Variants in ZBTB4 observed in about 807,000 individuals in gnomAD.
The protein encoded by ZBTB4 is zinc finger and BTB domain-containing protein 4.
Under a neutral mutation model 59.8 loss-of-function variants are expected in ZBTB4, and 14 were observed. The ratio of observed to expected loss-of-function variants is 0.23; its 90% CI spans 0.15 to 0.37. The LOEUF is 0.37. ZBTB4 is among the 10% of genes least tolerant of loss of function. ZBTB4 has a pLI of 1.00. For missense variants in ZBTB4, 1,198 were observed against 1,380.8 expected, an observed-to-expected ratio of 0.87 and a Z score of 2.10; for synonymous variants, 587 against 575.2, an observed-to-expected ratio of 1.02 and a Z score of -0.29.
In ZBTB4 at chr17:7,463,661, G is replaced by C; in HGVS notation, c.1321C>G (p.Pro441Ala). ...ACAGGGGCCGGTGTGTTGAGGGTTG[G>C]AGAAAGGGGAGCCTCCGGGGCTCCC... ...SQGAPEAPLSPTLNTPAPVAM... is the reference protein window; with the variant it reads ...SQGAPEAPLSATLNTPAPVAM... The change falls in exon 4 of 4, where the codon CCA (proline) becomes GCA (alanine). Residue 441 changes from proline to alanine, a missense_variant. Physicochemically the swap from Pro to Ala is conservative, Grantham distance 27. Around this residue, in one of 9 missense-constraint regions of ZBTB4, gnomAD observed 550 missense variants for 541.8 expected, o/e 1.02. Coordinates refer to ENST00000380599, the MANE Select transcript of ZBTB4 (RefSeq NM_001128833.2). 1 of 1,613,460 alleles carries C rather than the reference G, an allele frequency of 6.2e-7. No individual in the cohort carries two copies. Among genetic ancestry groups the C allele is most frequent in the South Asian group, 1.1e-5 (1 of 91,086 alleles).
At chr17:7,465,257 G>T (rs1026900992) in intron 3 of ZBTB4, among the ~76,000 whole-genome samples, 2 of 151,252 alleles carry the variant, frequency 1.3e-5, no homozygotes, top group African/African-American at 4.9e-5. Context: ...AGGAGTTCAA[G>T]ACCATCCTGA....
chr17:7,464,627 C>T (rs1007425382), intron 3 of ZBTB4, among the ~76,000 whole-genome samples: 1 of 151,374 alleles, frequency 6.6e-6, no homozygotes, highest in Non-Finnish European at 1.5e-5. Flanking sequence ...CACCTGAGGT[C>T]AGGAGTTCAA....
rs1244764521 is a variant in ZBTB4, at chr17:7,466,664, G to A, written c.138C>T (p.Ser46=). Residue 46 remains serine (S), a synonymous_variant, in exon 3 of 4, where the codon AGC becomes AGT. Transcript: ENST00000380599. The surrounding 1 kb of genome is among the most constrained non-coding windows in gnomAD (Gnocchi z 9.1). ...AGDTKFPAHR[S]VLAASSPFFR... ...AGAAGGGACTTGAAGCAGCCAGGAC[G>A]CTGCGGTGAGCAGGGAACTTGGTGT... 3.7e-6 allele frequency: 6 copies of A among 1,613,040 alleles called. No homozygotes were observed. The highest frequency in any genetic ancestry group is 1.7e-5 in the Admixed American group (1 of 59,810).
chr17:7,479,574 C>CA lies in ZBTB4; in HGVS notation c.-200dup, dbSNP rs2070316854. The CA allele has an allele frequency of 5.9e-6, 1 of 169,522 alleles. No individual in the cohort carries two copies. The highest frequency in any genetic ancestry group is 6.5e-5 in the Admixed American group (1 of 15,368). 10.5% of individuals were successfully genotyped at this position (169,522 alleles called of 1,614,324 possible). A position where few individuals can be genotyped will look rare whatever the true frequency, so the allele number is the denominator to read the frequency against. ...GCTCCAGCTCCGGCCCTGGCCCCCCCAGCGCCTGGCCCCGGCCCGGCCCCG... is the reference window on the plus strand; with the variant it reads ...GCTCCAGCTCCGGCCCTGGCCCCCCCAAGCGCCTGGCCCCGGCCCGGCCCCG... On this transcript the variant is annotated 5_prime_UTR_variant, in exon 1 of 4. It introduces an in-frame stop codon into an upstream open reading frame of the 5' UTR. Transcript: ENST00000380599.
In ZBTB4 at chr17:7,477,303, T is replaced by C. The variant is rs564668604; in HGVS notation, c.-81+2153A>G. 1.1e-3 allele frequency among the ~76,000 whole-genome samples: 173 copies of C among 152,314 alleles called. 1 individual carries two copies. The highest frequency in any genetic ancestry group is 4.1e-3 in the African/African-American group (169 of 41,558). ...ACGCAGGGCAGACAATCAGCCCCAT[T>C]CTGCAGATGAGGAACTGAGCTTCCT... On this transcript the variant is annotated intron_variant, in intron 1 of 3. Transcript: ENST00000380599.
chr17:7,461,175 A>ATTCT lies in ZBTB4; in HGVS notation c.*764_*765insAGAA, dbSNP rs1204213860. ...CTTGGAAGAATCTGGAGCTCACTGGATTTGGGGGTCAAGATAGGGCCAATA... is the reference window on the plus strand; with the variant it reads ...CTTGGAAGAATCTGGAGCTCACTGGATTCTTTTGGGGGTCAAGATAGGGCCAATA... On this transcript the variant is annotated 3_prime_UTR_variant, in exon 4 of 4. Coordinates refer to ENST00000380599, the MANE Select transcript of ZBTB4 (RefSeq NM_001128833.2). 2.0e-5 allele frequency: 3 copies of ATTCT among 152,718 alleles called. No individual in the cohort carries two copies. Among genetic ancestry groups the ATTCT allele is most frequent in the Non-Finnish European group, 4.4e-5 (3 of 68,094 alleles). 9.5% of individuals were successfully genotyped at this position (152,718 alleles called of 1,614,324 possible). A position where few individuals can be genotyped will look rare whatever the true frequency, so the allele number is the denominator to read the frequency against.
upstream of ZBTB4, chr17:7,482,363 G>C: frequency 1.2e-6 from 2 of 1,610,068 alleles, no homozygotes; most frequent in Non-Finnish European, 1.7e-6. Context: ...GGTGGTGCCC[G>C]CTGGCAACGC....
chr17:7,479,680 C>T (rs1210431005), upstream of ZBTB4: 88 of 139,178 alleles, frequency 6.3e-4, no homozygotes, highest in Non-Finnish European at 9.2e-4. Context: ...CGGAAACAGT[C>T]CCCCCCCAGC....
rs376929808 is a variant in ZBTB4 at position 7,466,297 on chromosome 17, G to A, written c.505C>T (p.Arg169Cys). The change falls in exon 3 of 4, where the codon CGT becomes TGT. Residue 169 changes from arginine (R) to cysteine (C), a missense_variant. Arg to Cys is a radical substitution (Grantham distance 180). This residue lies in a region of ZBTB4 where 31 missense variants were observed against 67.6 expected (regional missense o/e 0.46). Transcript: ENST00000380599. The surrounding 1 kb of genome is among the most constrained non-coding windows in gnomAD (Gnocchi z 9.1). ...AVAEIGALGRRLGISRLQGLG... is the reference protein window; with the variant it reads ...AVAEIGALGRCLGISRLQGLG... ...CCCTGAAGGCGGGAGATGCCCAGAC[G>A]GCGCCCCAAAGCTCCAATCTCTGCT... 33 of 1,613,442 alleles carry A rather than the reference G, an allele frequency of 2.0e-5. No homozygotes were observed. The highest frequency in any genetic ancestry group is 2.6e-5 in the Non-Finnish European group (31 of 1,179,690).
At chr17:7,483,979 A>ACCCGCCCCGC (rs74642071), upstream of ZBTB4, 1 of 151,194 alleles carries the variant, frequency 6.6e-6, no homozygotes, top group African/African-American at 2.4e-5. Flanking sequence ...CCCCGGGAGG[A>ACCCGCCCCGC]CCCGCCCCGC....
At chr17:7,468,096 C>T (rs1208273352) in intron 1 of ZBTB4, among the ~76,000 whole-genome samples, 3 of 152,332 alleles carry the variant, frequency 2.0e-5, no homozygotes, top group East Asian at 3.9e-4. Context: ...CAAGGCCAGG[C>T]GCGGGGGCTC....
upstream of ZBTB4, among the ~76,000 whole-genome samples, chr17:7,481,783 G>T (rs1200980020): frequency 2.0e-5 from 3 of 152,100 alleles, no homozygotes; most frequent in Admixed American, 6.5e-5. Context: ...CTCCAGGACT[G>T]CTCACTCCTT....
chr17:7,474,218 G>A (rs191781653), intron 1 of ZBTB4, among the ~76,000 whole-genome samples: 627 of 10,570 alleles, frequency 0.059, 12 homozygotes, highest in Middle Eastern at 0.25. Context: ...ACCATGGCCA[G>A]ACTTTTTTTT....
upstream of ZBTB4, chr17:7,479,687 C>G (rs1185430838): frequency 6.6e-6 from 1 of 150,376 alleles, no homozygotes; most frequent in African/African-American, 2.5e-5. Flanking sequence ...AGTCCCCCCC[C>G]AGCGCCGCCG....
Position 7,471,480 on chromosome 17 carries a change from G to A in ZBTB4, c.-80-4153C>T, listed in dbSNP as rs534391291. Among the ~76,000 whole-genome samples the A allele has an allele frequency of 3.3e-5, 5 of 152,316 alleles. No individual in the cohort carries two copies. The South Asian group carries it at 1.0e-3, about 32-fold the overall frequency. On this transcript the variant is annotated intron_variant, in intron 1 of 3. Coordinates refer to ENST00000380599, the MANE Select transcript of ZBTB4 (RefSeq NM_001128833.2). ...CATTTCAACACTCAAAATGGCCAGT[G>A]AGACAACAGGCTTAGAGAAATCAAA...
At chr17:7,482,268 T>C (rs760248536), upstream of ZBTB4, 2 of 1,614,032 alleles carry the variant, frequency 1.2e-6, no homozygotes, top group Non-Finnish European at 1.7e-6. Context: ...GACCCCCTTC[T>C]GGGACCTCCT....
chr17:7,476,852 T>C (rs952654990), intron 1 of ZBTB4, among the ~76,000 whole-genome samples: 4 of 151,566 alleles, frequency 2.6e-5, no homozygotes, highest in African/African-American at 9.7e-5. Context: ...GGGAGAAGAG[T>C]GTTGGAGGGA....
chr17:7,466,257 C>A lies in ZBTB4; in HGVS notation c.545G>T (p.Gly182Val), dbSNP rs143203196. The change falls in exon 3 of 4, where the codon GGT becomes GTT. Residue 182 changes from glycine to valine, a missense_variant. This residue lies in a region of ZBTB4 where 204 missense variants were observed against 205.5 expected (regional missense o/e 0.99). Coordinates refer to ENST00000380599, the MANE Select transcript of ZBTB4 (RefSeq NM_001128833.2). This position sits in a 1 kb window ranked among gnomAD's most constrained non-coding sequence, Gnocchi z 9.1. ...ISRLQGLGEG[G>V]DAWVPPTPAP... is the part of the protein sequence containing the mutation. ...TGGGGTAGGAGGTACCCAGGCATCA[C>A]CTCCCTCCCCCAGGCCCTGAAGGCG... The A allele has an allele frequency of 1.9e-6, 3 of 1,613,150 alleles. No homozygotes were observed. The South Asian group carries it at 3.3e-5, about 18-fold the overall frequency.
Position 7,463,235 on chromosome 17 carries a change from C to A in ZBTB4, c.1747G>T (p.Gly583Cys). The change falls in exon 4 of 4, where the codon GGT (glycine) becomes TGT (cysteine). Residue 583 changes from glycine to cysteine, a missense_variant. Physicochemically the swap from Gly to Cys is radical, Grantham distance 159. Transcript: ENST00000380599. The part of the protein sequence containing the change: ...KPVGGIGGGG[G>C]PPTGAGRGPS... ...CCCCGGCCAGCCCCTGTGGGGGGAC[C>A]CCCACCTCCACCAATCCCGCCCACT... is the stretch of plus-strand genomic sequence containing the variant. 1 of 1,611,314 alleles carries A rather than the reference C, an allele frequency of 6.2e-7. No homozygotes were observed. The highest frequency in any genetic ancestry group is 1.1e-5 in the South Asian group (1 of 90,658).
Sources: gnomAD v4.1 joint callset for allele counts (sites outside exome capture counted in the v4.1 genomes callset) on GRCh38, gnomAD v4.1.1 for gene constraint, gnomAD v4.1.1 regional missense constraint, Gnocchi (gnomAD v3.1) non-coding constraint, MANE v1.5 for transcripts, NCBI Gene and HGNC (gene_info 2026-07-23, HGNC 2026-07-21) for gene names.